The following CUX1 variants were observed in gnomAD, a reference collection of about 807,000 sequenced individuals.
CUX1 encodes the protein cut like homeobox 1, also known as protein CASP.
CUX1 carries 31 observed loss-of-function variants against 158.8 expected under a neutral mutation model. The ratio of observed to expected loss-of-function variants is 0.20; its 90% CI spans 0.15 to 0.26. The LOEUF (loss-of-function observed/expected upper bound fraction) is 0.26, where lower values mean the gene tolerates loss of function less well. Among genes scored for constraint, CUX1 ranks in the 10% least tolerant of loss-of-function variants. CUX1 has a pLI of 1.00. For synonymous variants in CUX1, 879 were observed against 862.1 expected, an observed-to-expected ratio of 1.02 and a Z score of -0.34; for missense variants, 1,589 against 2,014.6, an observed-to-expected ratio of 0.79 and a Z score of 4.04.
chr7:102,139,633 A>C (rs1295521422), intron 8 of CUX1, among the ~76,000 whole-genome samples: 1 of 152,150 alleles, frequency 6.6e-6, no homozygotes, highest in Non-Finnish European at 1.5e-5. Flanking sequence ...ATCTCTACTA[A>C]AAATTAAAAC....
At chr7:102,158,684 C>A in intron 9 of CUX1, 76 bp downstream of exon 9, 1 of 1,424,180 alleles carries the variant, frequency 7.0e-7, no homozygotes, top group Non-Finnish European at 9.9e-7. Flanking sequence ...GATGCGTCAC[C>A]CGAAGTTAGA....
chr7:101,985,873 G>T (rs1348654575), intron 2 of CUX1, among the ~76,000 whole-genome samples: 1 of 152,216 alleles, frequency 6.6e-6, no homozygotes, highest in Admixed American at 6.5e-5. Context: ...AGTTCCCACA[G>T]GGGTTCTTTA....
chr7:102,067,191 C>G (rs1825639889), intron 3 of CUX1, among the ~76,000 whole-genome samples: 1 of 145,816 alleles, frequency 6.9e-6, no homozygotes, highest in African/African-American at 2.5e-5. Context: ...TATAATACAT[C>G]TGTCTCTTGT....
intron 3 of CUX1, among the ~76,000 whole-genome samples, chr7:102,044,256 C>G (rs113148380): frequency 0.011 from 1,607 of 152,182 alleles, 32 homozygotes; most frequent in African/African-American, 0.037. Flanking sequence ...GTGGTGCCAT[C>G]TTGGCTCACT....
chr7:101,856,963 C>G (rs912520886), intron 1 of CUX1, among the ~76,000 whole-genome samples: 2 of 152,236 alleles, frequency 1.3e-5, no homozygotes, highest in Non-Finnish European at 2.9e-5. Context: ...TCAAGCTGTG[C>G]CTCCTCCTGG....
At chr7:101,991,123 G>C (rs1457621946) in intron 2 of CUX1, among the ~76,000 whole-genome samples, 2 of 152,154 alleles carry the variant, frequency 1.3e-5, no homozygotes, top group Non-Finnish European at 2.9e-5. Flanking sequence ...AGGTTCAGAA[G>C]GGGAACGCTT....
intron 22 of CUX1, among the ~76,000 whole-genome samples, chr7:102,238,287 C>T (rs529141545): frequency 1.3e-5 from 2 of 152,292 alleles, no homozygotes; most frequent in East Asian, 1.9e-4. Flanking sequence ...CGCTAGACCA[C>T]GGTCCGCCTG....
chr7:102,093,925 C>G (rs1828922588), intron 4 of CUX1, among the ~76,000 whole-genome samples: 1 of 152,166 alleles, frequency 6.6e-6, no homozygotes, highest in Non-Finnish European at 1.5e-5. Context: ...CTCTTCGCCT[C>G]CTCCAGACAA....
At chr7:101,992,322 A>T (rs1208948268) in intron 2 of CUX1, among the ~76,000 whole-genome samples, 2 of 152,318 alleles carry the variant, frequency 1.3e-5, no homozygotes, top group East Asian at 3.9e-4. Flanking sequence ...GCATCCCTGT[A>T]AAATTTTATT....
intron 2 of CUX1, among the ~76,000 whole-genome samples, chr7:101,992,165 G>T (rs77736392): frequency 6.6e-6 from 1 of 152,168 alleles, no homozygotes; most frequent in Non-Finnish European, 1.5e-5. Context: ...AGGCTTGGAG[G>T]GGGGTGCACT....
chr7:102,208,280 G>A (rs1796151663), intron 20 of CUX1, among the ~76,000 whole-genome samples: 1 of 152,108 alleles, frequency 6.6e-6, no homozygotes, highest in Non-Finnish European at 1.5e-5. Flanking sequence ...GTCTCACTCT[G>A]TCGCCTAGGC....
chr7:101,992,784 GC>G (rs936349893), intron 2 of CUX1, among the ~76,000 whole-genome samples: 6 of 117,036 alleles, frequency 5.1e-5, no homozygotes, highest in East Asian at 2.6e-4. Flanking sequence ...CGCCCCCGCC[GC>G]CCCCCTCCAA....
chr7:101,869,651 C>G lies in CUX1; in HGVS notation c.31-46464C>G, dbSNP rs1236590241. On this transcript the variant is annotated intron_variant, in intron 1 of 23. Transcript: ENST00000292535. This position sits in a 1 kb window ranked among gnomAD's most constrained non-coding sequence, Gnocchi z 4.5. The stretch of plus-strand genomic sequence containing the variant: ...GCGGGAGGAGGCGTTGGTGTGCACA[C>G]GCGGGGAGCCTCCGTGTCCTCAGGA... Among the ~76,000 whole-genome samples the G allele has an allele frequency of 2.6e-5, 4 of 152,170 alleles. No homozygotes were observed. In the East Asian group the frequency reaches 7.7e-4, roughly 29 times the overall value.
intron 2 of CUX1, among the ~76,000 whole-genome samples, chr7:101,942,380 G>T (rs1011166169): frequency 2.0e-5 from 3 of 152,058 alleles, no homozygotes; most frequent in African/African-American, 7.2e-5. Flanking sequence ...GTGTCTTTTC[G>T]ATCTTACCTT....
intron 20 of CUX1, among the ~76,000 whole-genome samples, chr7:102,223,362 C>T (rs543024638): frequency 6.6e-6 from 1 of 152,262 alleles, no homozygotes; most frequent in East Asian, 1.9e-4. Context: ...ATGTGTCAGG[C>T]ATTGTGGGAG....
intron 11 of CUX1, among the ~76,000 whole-genome samples, chr7:102,179,876 T>C (rs1299201917): frequency 1.3e-5 from 2 of 152,190 alleles, no homozygotes; most frequent in Non-Finnish European, 2.9e-5. Context: ...ACCTCCATGT[T>C]GGGTGGGTGA....
chr7:101,823,939 A>G (rs1357826492), intron 1 of CUX1, among the ~76,000 whole-genome samples: 3 of 152,206 alleles, frequency 2.0e-5, no homozygotes, highest in African/African-American at 4.8e-5. Context: ...ACCAAACCGA[A>G]AAACAAAATG....
rs1790065538 is a variant in CUX1 at position 102,257,849 on chromosome 7, A to G, written c.*8807A>G. 2.0e-6 allele frequency: 2 copies of G among 978,010 alleles called. No homozygotes were observed. The highest frequency in any genetic ancestry group is 2.4e-6 in the Non-Finnish European group (2 of 825,966). The allele number at this position is 978,010 out of a possible 1,614,324, so 60.6% of individuals were successfully genotyped here. A position where few individuals can be genotyped will look rare whatever the true frequency, so the allele number is the denominator to read the frequency against. ...TCACAGATTTTTTTCTCCAATCCTCACAGAGACCCAATTGACCAAAAAAGA... is the reference window on the plus strand; with the variant it reads ...TCACAGATTTTTTTCTCCAATCCTCGCAGAGACCCAATTGACCAAAAAAGA... On this transcript the variant is annotated 3_prime_UTR_variant, in exon 24 of 24. Coordinates refer to ENST00000292535, the MANE Select transcript of CUX1 (RefSeq NM_181552.4).
In CUX1 at chr7:102,251,043, A is replaced by G. The variant is rs999041877; in HGVS notation, c.*2001A>G. 2 of 984,624 alleles carry G rather than the reference A, an allele frequency of 2.0e-6. No individual in the cohort carries two copies. Among genetic ancestry groups the G allele is most frequent in the African/African-American group, 3.5e-5 (2 of 57,142 alleles). 61.0% of individuals were successfully genotyped at this position (984,624 alleles called of 1,614,324 possible). ...TGTTAGGAAGGGATGAAAGGGGCAA[A>G]TATTCTTTAGAGGGATAGACTGCCG... On this transcript the variant is annotated 3_prime_UTR_variant, in exon 24 of 24. Coordinates refer to ENST00000292535, the MANE Select transcript of CUX1 (RefSeq NM_181552.4).
Sources: gnomAD v4.1 joint callset for allele counts (sites outside exome capture counted in the v4.1 genomes callset) on GRCh38, gnomAD v4.1.1 for gene constraint, Gnocchi (gnomAD v3.1) non-coding constraint, MANE v1.5 for transcripts, NCBI Gene and HGNC (gene_info 2026-07-23, HGNC 2026-07-21) for gene names.